The following EDIL3 variants were observed in gnomAD, a reference collection of about 807,000 sequenced individuals.
EDIL3 encodes the protein EGF-like repeat and discoidin I-like domain-containing protein 3.
EDIL3 carries 37 observed loss-of-function variants against 67.4 expected under a neutral mutation model. The observed-to-expected ratio is 0.55, with a 90% CI of 0.42 to 0.72. The LOEUF is 0.72. Ranked by LOEUF, EDIL3 falls within the 30% of genes least tolerant of loss-of-function variation. EDIL3 has a pLI of 0.00. For synonymous variants in EDIL3, 195 were observed against 196.3 expected (o/e 0.99, Z 0.05); for missense variants, 527 against 586.3 (o/e 0.90, Z 1.04).
intron 4 of EDIL3, among the ~76,000 whole-genome samples, chr5:84,151,268 C>T (rs1284895318): frequency 1.4e-5 from 2 of 145,258 alleles, no homozygotes; most frequent in African/African-American, 5.5e-5. Flanking sequence ...CGCACATACA[C>T]ACACACACAC....
chr5:84,180,596 A>C (rs1351576988), intron 3 of EDIL3, 75 bp from the exon 4 acceptor site: 8 of 1,423,332 alleles, frequency 5.6e-6, no homozygotes, highest in Admixed American at 3.0e-5. Flanking sequence ...TTTTGCAATT[A>C]ATAATTTTAC....
intron 5 of EDIL3, among the ~76,000 whole-genome samples, chr5:84,117,376 A>G (rs1007320433): frequency 6.6e-6 from 1 of 152,184 alleles, no homozygotes; most frequent in Non-Finnish European, 1.5e-5. Context: ...AACAATATAC[A>G]GAATTTGCTA....
chr5:84,034,431 G>T (rs1373136385), intron 9 of EDIL3, among the ~76,000 whole-genome samples: 1 of 152,106 alleles, frequency 6.6e-6, no homozygotes, highest in Non-Finnish European at 1.5e-5. Context: ...TAGAATAATG[G>T]AAACTTTATG....
At chr5:83,969,852 G>T (rs1489283247) in intron 9 of EDIL3, among the ~76,000 whole-genome samples, 1 of 151,350 alleles carries the variant, frequency 6.6e-6, no homozygotes, top group African/African-American at 2.4e-5. Context: ...ATCAGATCAG[G>T]GTAATTATCA....
At chr5:83,980,274 G>T in intron 9 of EDIL3, among the ~76,000 whole-genome samples, 1 of 150,156 alleles carries the variant, frequency 6.7e-6, no homozygotes. Flanking sequence ...TGGGCCCTTT[G>T]GCTGAAACAA....
intron 4 of EDIL3, among the ~76,000 whole-genome samples, chr5:84,161,037 T>C (rs1655927939): frequency 6.6e-6 from 1 of 151,934 alleles, no homozygotes; most frequent in Non-Finnish European, 1.5e-5. Flanking sequence ...ATATCATTCT[T>C]AAGCTTTTGT....
At chr5:84,360,134 C>T (rs1747566338) in intron 1 of EDIL3, among the ~76,000 whole-genome samples, 1 of 152,080 alleles carries the variant, frequency 6.6e-6, no homozygotes, top group Admixed American at 6.6e-5. Flanking sequence ...GTGGGAGCAG[C>T]TCAAAACCAG....
At chr5:84,366,272 T>C (rs920964557) in intron 1 of EDIL3, among the ~76,000 whole-genome samples, 2 of 152,136 alleles carry the variant, frequency 1.3e-5, no homozygotes, top group African/African-American at 4.8e-5. Flanking sequence ...ACCATCACCA[T>C]CATCATCATG....
chr5:84,249,217 T>A (rs1393513941), intron 2 of EDIL3, among the ~76,000 whole-genome samples: 1 of 152,100 alleles, frequency 6.6e-6, no homozygotes, highest in African/African-American at 2.4e-5. Context: ...TTTGTTGTAG[T>A]TTTTAGTCTG....
In EDIL3 at chr5:84,147,125, C is replaced by T. The variant is rs550236587; in HGVS notation, c.356-9771G>A. ...TAATTTCGTCTCCTAAATATTTATT[C>T]CCAAAGAGTTTATTTTTGCCTGTAT... On this transcript the variant is annotated intron_variant, in intron 4 of 10. Coordinates refer to ENST00000296591, the MANE Select transcript of EDIL3 (RefSeq NM_005711.5). 7.9e-5 allele frequency among the ~76,000 whole-genome samples: 12 copies of T among 151,976 alleles called. No individual in the cohort carries two copies. The South Asian group carries it at 2.5e-3, about 32-fold the overall frequency.
intron 6 of EDIL3, among the ~76,000 whole-genome samples, chr5:84,105,034 T>G (rs1194265081): frequency 1.3e-5 from 2 of 152,120 alleles, no homozygotes; most frequent in Non-Finnish European, 2.9e-5. Context: ...AATATTAATG[T>G]CTAAAGTTTT....
At chr5:84,102,976 C>G (rs913714320) in intron 6 of EDIL3, among the ~76,000 whole-genome samples, 1 of 152,050 alleles carries the variant, frequency 6.6e-6, no homozygotes, top group African/African-American at 2.4e-5. Flanking sequence ...TACTATAGGG[C>G]TACAGTAACC....
intron 9 of EDIL3, among the ~76,000 whole-genome samples, chr5:84,031,548 T>C (rs1745923862): frequency 6.6e-6 from 1 of 152,170 alleles, no homozygotes; most frequent in Non-Finnish European, 1.5e-5. Context: ...ATGTGGAGTC[T>C]TCATGAATGG....
intron 7 of EDIL3, 109 bp downstream of exon 7, chr5:84,066,342 T>C: frequency 1.6e-6 from 2 of 1,230,280 alleles, no homozygotes; most frequent in East Asian, 5.6e-5. Flanking sequence ...GACGCATTGG[T>C]AATTTATTTT....
chr5:84,101,799 A>G (rs576687953), intron 6 of EDIL3, among the ~76,000 whole-genome samples: 1 of 152,104 alleles, frequency 6.6e-6, no homozygotes, highest in East Asian at 1.9e-4. Flanking sequence ...AGGAAGAGGG[A>G]CTCCTTCCTA....
At chr5:84,099,497 A>T (rs1416452538) in intron 6 of EDIL3, among the ~76,000 whole-genome samples, 1 of 152,214 alleles carries the variant, frequency 6.6e-6, no homozygotes, top group Non-Finnish European at 1.5e-5. Context: ...CTATTTAATA[A>T]ATGGTGTTGG....
intron 3 of EDIL3, among the ~76,000 whole-genome samples, chr5:84,218,767 T>C (rs1209451046): frequency 6.6e-6 from 1 of 152,148 alleles, no homozygotes; most frequent in East Asian, 1.9e-4. Context: ...ACATTGGCTG[T>C]AGCCAGGCAG....
chr5:84,226,660 A>G (rs1744457919), intron 3 of EDIL3, among the ~76,000 whole-genome samples: 1 of 151,918 alleles, frequency 6.6e-6, no homozygotes, highest in Admixed American at 6.6e-5. Context: ...CTACTTTACT[A>G]AATGACACAT....
rs2112382053 is a variant in EDIL3, at chr5:84,204,898, A to G, written c.227-24377T>C. Among the ~76,000 whole-genome samples, 3 of 151,482 alleles carry G rather than the reference A, an allele frequency of 2.0e-5. No homozygotes were observed. In the South Asian group the frequency reaches 6.3e-4, roughly 32 times the overall value. ...AATGTTTCCTGTAAGCAGCCTTGAT[A>G]CGTAAAATAGTAACGCTTTTGTGTG... On this transcript the variant is annotated intron_variant, in intron 3 of 10. Coordinates refer to ENST00000296591, the MANE Select transcript of EDIL3 (RefSeq NM_005711.5).
Sources: gnomAD v4.1 joint callset for allele counts (sites outside exome capture counted in the v4.1 genomes callset) on GRCh38, gnomAD v4.1.1 for gene constraint, MANE v1.5 for transcripts, NCBI Gene and HGNC (gene_info 2026-07-23, HGNC 2026-07-21) for gene names.